Variants in KCNS3 observed in about 807,000 individuals in gnomAD.
KCNS3 encodes the protein delayed-rectifier potassium channel regulatory subunit KCNS3.
In KCNS3, 13 loss-of-function variants were observed where a neutral mutation model predicts 31.0. The ratio of observed to expected loss-of-function variants is 0.42; its 90% CI spans 0.27 to 0.67. KCNS3 has a LOEUF of 0.67. Ranked by LOEUF, KCNS3 falls within the 30% of genes least tolerant of loss-of-function variation. The probability of loss-of-function intolerance (pLI) is 0.25; values close to 1 mark genes in which losing one functional copy is unlikely to be tolerated. For synonymous variants in KCNS3, 238 were observed against 241.5 expected, an observed-to-expected ratio of 0.99 and a Z score of 0.13; for missense variants, 545 against 622.4, an observed-to-expected ratio of 0.88 and a Z score of 1.32.
Position 17,931,814 on chromosome 2 carries a change from C to T in KCNS3, c.806C>T (p.Thr269Met), listed in dbSNP as rs1380663454. ...GTCTCTATTATTCCCTTCTATGCCA[C>T]GTTGGCTGTAGACACCAAGGAGGAA... ...DFVSIIPFYATLAVDTKEEES... is the reference protein window; with the variant it reads ...DFVSIIPFYAMLAVDTKEEES... Residue 269 changes from threonine to methionine, a missense_variant, in exon 3 of 3, where the codon ACG (threonine) becomes ATG (methionine). Transcript: ENST00000304101. The surrounding 1 kb of genome is among the most constrained non-coding windows in gnomAD (Gnocchi z 5.4). 3 of 1,614,032 alleles carry T rather than the reference C, an allele frequency of 1.9e-6. No homozygotes were observed. Among genetic ancestry groups the T allele is most frequent in the Non-Finnish European group, 2.5e-6 (3 of 1,180,040 alleles).
intron 1 of KCNS3, among the ~76,000 whole-genome samples, chr2:17,889,328 A>G (rs1661784966): frequency 6.6e-6 from 1 of 152,052 alleles, no homozygotes; most frequent in African/African-American, 2.4e-5. Flanking sequence ...AGCTTTCTGG[A>G]GGAGTCCTTA....
At chr2:17,905,305 G>C (rs373601857) in intron 1 of KCNS3, among the ~76,000 whole-genome samples, 2,915 of 152,266 alleles carry the variant, frequency 0.019, 74 homozygotes, top group African/African-American at 0.062. Flanking sequence ...TTTGCACATT[G>C]ATTTTGTATC....
chr2:17,887,341 C>T (rs1424117844), intron 1 of KCNS3, among the ~76,000 whole-genome samples: 1 of 152,068 alleles, frequency 6.6e-6, no homozygotes, highest in East Asian at 1.9e-4. Flanking sequence ...AGCTTAGCTC[C>T]CACATATCAG....
chr2:17,888,967 G>T (rs1170267331), intron 1 of KCNS3, among the ~76,000 whole-genome samples: 1 of 151,978 alleles, frequency 6.6e-6, no homozygotes, highest in Non-Finnish European at 1.5e-5. Context: ...TGTGAAGAAT[G>T]ATGGTGGTAT....
chr2:17,921,913 G>GTATATATATATA (rs1373281256), intron 2 of KCNS3, among the ~76,000 whole-genome samples: 9 of 34,106 alleles, frequency 2.6e-4, no homozygotes, highest in African/African-American at 3.2e-4. Context: ...GTGTGTGTGT[G>GTATATATATATA]TGTATATATA....
rs753778808 is a variant in KCNS3, at chr2:17,931,897, A to T, written c.889A>T (p.Ile297Phe). 1 of 1,613,956 alleles carries T rather than the reference A, an allele frequency of 6.2e-7. No individual in the cohort carries two copies. The highest frequency in any genetic ancestry group is 1.1e-5 in the South Asian group (1 of 91,058). Reference sequence around the variant, plus strand: ...GGTCCAGATCCTACGGCTTATGAGGATTTTCCGAATTCTAAAGCTTGCCCG... The same window carrying T: ...GGTCCAGATCCTACGGCTTATGAGGTTTTTCCGAATTCTAAAGCTTGCCCG... ...KVVQILRLMR[I>F]FRILKLARHS... Residue 297 changes from isoleucine (I) to phenylalanine (F), a missense_variant, in exon 3 of 3, where the codon ATT becomes TTT. Ile to Phe is a conservative substitution (Grantham distance 21). Coordinates refer to ENST00000304101, the MANE Select transcript of KCNS3 (RefSeq NM_002252.5). This position sits in a 1 kb window ranked among gnomAD's most constrained non-coding sequence, Gnocchi z 5.4.
Position 17,931,245 on chromosome 2 carries a change from T to G in KCNS3, c.237T>G (p.Val79=), listed in dbSNP as rs780526789. 3 of 1,614,160 alleles carry G rather than the reference T, an allele frequency of 1.9e-6. No homozygotes were observed. The Admixed American group carries it at 5.0e-5, about 27-fold the overall frequency. The change falls in exon 3 of 3, where the codon GTT becomes GTG. Residue 79 remains valine (V), a synonymous_variant. Transcript: ENST00000304101. This position sits in a 1 kb window ranked among gnomAD's most constrained non-coding sequence, Gnocchi z 5.4. Reference sequence around the variant, plus strand: ...GGAATCCCTCCTTGTTCAGATATGTTTTGAATTTTTATTACACGGGGAAGC... The same window carrying G: ...GGAATCCCTCCTTGTTCAGATATGTGTTGAATTTTTATTACACGGGGAAGC... ...FDRNPSLFRY[V]LNFYYTGKLH...
chr2:17,898,244 G>GTTTTTTTTT, intron 1 of KCNS3, among the ~76,000 whole-genome samples: 1 of 124,394 alleles, frequency 8.0e-6, no homozygotes, highest in Non-Finnish European at 1.7e-5. Flanking sequence ...ATGCCTCTAG[G>GTTTTTTTTT]TTTTTTTTTT....
chr2:17,883,943 T>C (rs964628817), intron 1 of KCNS3, among the ~76,000 whole-genome samples: 1 of 152,018 alleles, frequency 6.6e-6, no homozygotes, highest in Non-Finnish European at 1.5e-5. Flanking sequence ...AGGATGAGTT[T>C]ATGTCCTTTG....
chr2:17,908,893 G>A (rs942153368), intron 1 of KCNS3, among the ~76,000 whole-genome samples: 1 of 152,226 alleles, frequency 6.6e-6, no homozygotes, highest in Non-Finnish European at 1.5e-5. Flanking sequence ...TCCCAGATAG[G>A]CTGCTCGGGG....
intron 1 of KCNS3, among the ~76,000 whole-genome samples, chr2:17,882,350 G>A (rs1308176612): frequency 6.6e-6 from 1 of 152,236 alleles, no homozygotes; most frequent in African/African-American, 2.4e-5. Context: ...GCAACTGAGA[G>A]TTATAAGCTA....
At chr2:17,886,274 C>A (rs1477982063) in intron 1 of KCNS3, among the ~76,000 whole-genome samples, 1 of 152,104 alleles carries the variant, frequency 6.6e-6, no homozygotes, top group Non-Finnish European at 1.5e-5. Flanking sequence ...CCATGGTGAA[C>A]CGAAAAGCAT....
In KCNS3 at chr2:17,882,601, G is replaced by A. The variant is rs540408562; in HGVS notation, c.-252+3795G>A. Among the ~76,000 whole-genome samples, 6 of 152,276 alleles carry A rather than the reference G, an allele frequency of 3.9e-5. No homozygotes were observed. In the South Asian group the frequency reaches 1.2e-3, roughly 32 times the overall value. On this transcript the variant is annotated intron_variant, in intron 1 of 2. Coordinates refer to ENST00000304101, the MANE Select transcript of KCNS3 (RefSeq NM_002252.5). ...CCTTTGCTTGCTGGTCTTGACTACTGTGGGTGCTTATTGGAGGCAGGGGAT... is the reference window on the plus strand; with the variant it reads ...CCTTTGCTTGCTGGTCTTGACTACTATGGGTGCTTATTGGAGGCAGGGGAT...
At chr2:17,896,146 G>A (rs975031834) in intron 1 of KCNS3, among the ~76,000 whole-genome samples, 3 of 152,088 alleles carry the variant, frequency 2.0e-5, no homozygotes, top group African/African-American at 2.4e-5. Flanking sequence ...GGGCTCAGGC[G>A]ATCCTCCCAC....
intron 2 of KCNS3, among the ~76,000 whole-genome samples, chr2:17,921,104 T>G (rs1021729318): frequency 6.6e-6 from 1 of 152,180 alleles, no homozygotes; most frequent in South Asian, 2.1e-4. Flanking sequence ...ACTGCACCAG[T>G]TGTTGAGAAT....
intron 2 of KCNS3, among the ~76,000 whole-genome samples, chr2:17,929,850 C>T (rs1052274331): frequency 1.3e-5 from 2 of 152,146 alleles, no homozygotes; most frequent in South Asian, 4.2e-4. Context: ...CTATTATGTA[C>T]CTAGAGAGGC....
chr2:17,905,853 T>C (rs1381831670), intron 1 of KCNS3, among the ~76,000 whole-genome samples: 1 of 152,244 alleles, frequency 6.6e-6, no homozygotes, highest in African/African-American at 2.4e-5. Context: ...TGCTGCTGGA[T>C]TTGGTTTGCC....
Position 17,931,534 on chromosome 2 carries a change from G to A in KCNS3, c.526G>A (p.Glu176Lys). The change falls in exon 3 of 3, where the codon GAG becomes AAG. Residue 176 changes from glutamate (E) to lysine (K), a missense_variant. Coordinates refer to ENST00000304101, the MANE Select transcript of KCNS3 (RefSeq NM_002252.5). The surrounding 1 kb of genome is among the most constrained non-coding windows in gnomAD (Gnocchi z 5.4). ...QLRKKIWIRM[E>K]NPAYCLSAKL... ...CCGGAAGAAAATCTGGATTAGAATG[G>A]AGAATCCAGCGTACTGCCTGTCCGC... 1.2e-6 allele frequency: 2 copies of A among 1,614,178 alleles called. No homozygotes were observed. Among genetic ancestry groups the A allele is most frequent in the Non-Finnish European group, 1.7e-6 (2 of 1,180,034 alleles).
At chr2:17,929,475 GA>G (rs1448713403) in intron 2 of KCNS3, among the ~76,000 whole-genome samples, 9 of 152,176 alleles carry the variant, frequency 5.9e-5, no homozygotes, top group Admixed American at 2.0e-4. Context: ...GTGCTTGGGG[GA>G]TGATGCTAAG....
Sources: gnomAD v4.1 joint callset for allele counts (sites outside exome capture counted in the v4.1 genomes callset) on GRCh38, gnomAD v4.1.1 for gene constraint, Gnocchi (gnomAD v3.1) non-coding constraint, MANE v1.5 for transcripts, NCBI Gene and HGNC (gene_info 2026-07-23, HGNC 2026-07-21) for gene names.